Variants in GPC5 observed in about 807,000 individuals in gnomAD.
The protein encoded by GPC5 is glypican 5, also known as glypican-5.
A neutral mutation model predicts 53.9 loss-of-function variants in GPC5; 47 were observed. That is an observed-to-expected ratio of 0.87 (90% confidence interval 0.69 to 1.11). The LOEUF (loss-of-function observed/expected upper bound fraction) is 1.11. Ranked by LOEUF, GPC5 falls within the 50% of genes most tolerant of loss-of-function variation. The probability of loss-of-function intolerance (pLI) is 0.00; values close to 1 mark genes in which losing one functional copy is unlikely to be tolerated. For synonymous variants in GPC5, 286 were observed against 263.3 expected, an observed-to-expected ratio of 1.09 and a Z score of -0.84; for missense variants, 748 against 713.1, an observed-to-expected ratio of 1.05 and a Z score of -0.56.
chr13:92,107,527 G>T (rs2041519824), intron 6 of GPC5, among the ~76,000 whole-genome samples: 1 of 152,006 alleles, frequency 6.6e-6, no homozygotes, highest in Admixed American at 6.6e-5. Context: ...ATTACTCTGA[G>T]AAATTAATAT....
At chr13:92,758,836 T>G (rs958939661) in intron 7 of GPC5, among the ~76,000 whole-genome samples, 1 of 152,092 alleles carries the variant, frequency 6.6e-6, no homozygotes, top group African/African-American at 2.4e-5. Flanking sequence ...CGCCTATATT[T>G]TCATCTAGGA....
intron 7 of GPC5, among the ~76,000 whole-genome samples, chr13:92,248,186 A>G (rs1245416542): frequency 7.2e-6 from 1 of 138,676 alleles, no homozygotes; most frequent in African/African-American, 2.8e-5. Flanking sequence ...AATGTAAAAT[A>G]GAGGTATGGC....
intron 2 of GPC5, among the ~76,000 whole-genome samples, chr13:91,510,945 G>A (rs1028532362): frequency 6.6e-6 from 1 of 151,946 alleles, no homozygotes; most frequent in African/African-American, 2.4e-5. Context: ...TGCATAACTA[G>A]ATACCAGTAT....
chr13:92,252,871 T>C (rs1171342006), intron 7 of GPC5, among the ~76,000 whole-genome samples: 4 of 152,122 alleles, frequency 2.6e-5, no homozygotes, highest in Non-Finnish European at 5.9e-5. Context: ...AAAGAGTTAG[T>C]GACTACCTGA....
At chr13:91,524,053 G>A (rs1885968286) in intron 2 of GPC5, among the ~76,000 whole-genome samples, 5 of 151,904 alleles carry the variant, frequency 3.3e-5, no homozygotes, top group African/African-American at 7.2e-5. Flanking sequence ...CATTTTTAAA[G>A]TCAAGGGAGA....
At chr13:92,178,363 C>A (rs1245875089) in intron 7 of GPC5, among the ~76,000 whole-genome samples, 1 of 151,688 alleles carries the variant, frequency 6.6e-6, no homozygotes, top group African/African-American at 2.4e-5. Context: ...GAGGTATTTG[C>A]CACTTTGGTT....
At chr13:92,782,305 T>A (rs772492506) in intron 7 of GPC5, among the ~76,000 whole-genome samples, 25 of 152,306 alleles carry the variant, frequency 1.6e-4, no homozygotes, top group Non-Finnish European at 3.1e-4. Flanking sequence ...ATGTACATTA[T>A]ATAATTAAGG....
intron 5 of GPC5, among the ~76,000 whole-genome samples, chr13:91,783,131 G>C (rs1196598087): frequency 6.6e-6 from 1 of 152,042 alleles, no homozygotes; most frequent in African/African-American, 2.4e-5. Context: ...GTGGACACCT[G>C]TAATCCCAGC....
chr13:92,081,393 C>T (rs2041294347), intron 6 of GPC5, among the ~76,000 whole-genome samples: 1 of 152,178 alleles, frequency 6.6e-6, no homozygotes, highest in African/African-American at 2.4e-5. Flanking sequence ...TGAGCCACCG[C>T]GCCTGACCTG....
At chr13:92,767,144 T>C (rs1875433873) in intron 7 of GPC5, among the ~76,000 whole-genome samples, 1 of 152,182 alleles carries the variant, frequency 6.6e-6, no homozygotes, top group Admixed American at 6.5e-5. Flanking sequence ...TTTGTTTGTT[T>C]GTTTGTTTTT....
At chr13:92,218,522 A>C (rs2042426773) in intron 7 of GPC5, among the ~76,000 whole-genome samples, 1 of 152,164 alleles carries the variant, frequency 6.6e-6, no homozygotes. Flanking sequence ...AATGTGCTCC[A>C]GAGAATTTGT....
chr13:92,408,064 G>T (rs1299800541), intron 7 of GPC5, among the ~76,000 whole-genome samples: 3 of 152,178 alleles, frequency 2.0e-5, no homozygotes, highest in Non-Finnish European at 2.9e-5. Context: ...ACCGCAGGAG[G>T]TAAGCAGCCA....
intron 6 of GPC5, among the ~76,000 whole-genome samples, chr13:92,042,456 A>G (rs1594740381): frequency 6.6e-6 from 1 of 152,076 alleles, no homozygotes; most frequent in Non-Finnish European, 1.5e-5. Flanking sequence ...CTCAGGGGTG[A>G]TCCCTGAGTT....
intron 3 of GPC5, among the ~76,000 whole-genome samples, chr13:91,702,628 TG>T (rs2036017607): frequency 6.6e-6 from 1 of 152,088 alleles, no homozygotes; most frequent in African/African-American, 2.4e-5. Flanking sequence ...TGTAGTCTTT[TG>T]TGGTTCCATA....
chr13:91,499,226 G>A (rs573960690), intron 2 of GPC5, among the ~76,000 whole-genome samples: 1 of 152,128 alleles, frequency 6.6e-6, no homozygotes, highest in Non-Finnish European at 1.5e-5. Flanking sequence ...CAGGAAGAGG[G>A]TGTTGGGTAT....
intron 6 of GPC5, among the ~76,000 whole-genome samples, chr13:91,961,529 G>A (rs2139075487): frequency 6.6e-6 from 1 of 151,978 alleles, no homozygotes; most frequent in Non-Finnish European, 1.5e-5. Flanking sequence ...AATTCTGTTA[G>A]AATTCCAATT....
chr13:92,459,734 T>C lies in GPC5; in HGVS notation c.1561+314745T>C, dbSNP rs192099581. Among the ~76,000 whole-genome samples, 326 of 152,320 alleles carry C rather than the reference T, an allele frequency of 2.1e-3. 2 individuals are homozygous for C. Among genetic ancestry groups the C allele is most frequent in the Non-Finnish European group, 3.7e-3 (252 of 68,016 alleles). On this transcript the variant is annotated intron_variant, in intron 7 of 7. Transcript: ENST00000377067. ...TTAGTCCTGATGAAATGCATACATC[T>C]TATCTCATTACTTTTGATATATAAC...
chr13:92,472,752 G>A (rs976998776), intron 7 of GPC5, among the ~76,000 whole-genome samples: 1 of 152,024 alleles, frequency 6.6e-6, no homozygotes, highest in Non-Finnish European at 1.5e-5. Flanking sequence ...AGACATCATC[G>A]ACTCAGTATT....
intron 5 of GPC5, among the ~76,000 whole-genome samples, chr13:91,854,900 A>G (rs2038950689): frequency 6.6e-6 from 1 of 151,714 alleles, no homozygotes; most frequent in South Asian, 2.1e-4. Flanking sequence ...GACTTAACAT[A>G]TGGTGGTTAA....
Sources: gnomAD v4.1 joint callset for allele counts (sites outside exome capture counted in the v4.1 genomes callset) on GRCh38, gnomAD v4.1.1 for gene constraint, MANE v1.5 for transcripts, NCBI Gene and HGNC (gene_info 2026-07-23, HGNC 2026-07-21) for gene names.